HOXA3: variants seen among roughly 807,000 people sequenced by gnomAD.
The protein encoded by HOXA3 is homeobox protein Hox-A3.
In HOXA3, 8 loss-of-function variants were observed where a neutral mutation model predicts 30.3. That is an observed-to-expected ratio of 0.26 (90% CI 0.15 to 0.48). The LOEUF is 0.48. Among genes scored for constraint, HOXA3 ranks in the 20% least tolerant of loss-of-function variants. The probability of loss-of-function intolerance (pLI) is 0.99; values close to 1 mark genes in which losing one functional copy is unlikely to be tolerated. For synonymous variants in HOXA3, 323 were observed against 273.1 expected (o/e 1.18, Z -1.80); for missense variants, 653 against 614.4 (o/e 1.06, Z -0.66).
chr7:27,120,528 G>A (rs569257611), intron 4 of HOXA3, among the ~76,000 whole-genome samples: 39 of 119,254 alleles, frequency 3.3e-4, no homozygotes, highest in African/African-American at 1.3e-3. Context: ...GACAGAGCGC[G>A]ACTCTGTCAA....
intron 2 of HOXA3, among the ~76,000 whole-genome samples, chr7:27,139,238 C>A (rs765348357): frequency 3.4e-4 from 52 of 152,240 alleles, no homozygotes; most frequent in Non-Finnish European, 5.7e-4. Flanking sequence ...TTCAGACTCA[C>A]AAGCGGCTGA....
chr7:27,144,893 G>C (rs756264367), intron 1 of HOXA3, among the ~76,000 whole-genome samples: 2 of 152,222 alleles, frequency 1.3e-5, no homozygotes, highest in Non-Finnish European at 2.9e-5. Context: ...CCCCTCGTTG[G>C]GTCCTGAACG....
intron 2 of HOXA3, among the ~76,000 whole-genome samples, chr7:27,133,624 T>C (rs1236978152): frequency 6.6e-6 from 1 of 152,244 alleles, no homozygotes; most frequent in African/African-American, 2.4e-5. Context: ...TTTCATCATG[T>C]CCTCGAATCC....
intron 1 of HOXA3, chr7:27,143,082 T>C: frequency 6.4e-7 from 1 of 1,554,446 alleles, no homozygotes; most frequent in African/African-American, 1.4e-5. Context: ...CAGGGGTAGA[T>C]CTGGGGTTGG....
chr7:27,149,568 C>T (rs1303820084), intron 1 of HOXA3, among the ~76,000 whole-genome samples: 1 of 152,232 alleles, frequency 6.6e-6, no homozygotes, highest in South Asian at 2.1e-4. Context: ...CGGCTGCTAG[C>T]CCGGCAACGG....
intron 1 of HOXA3, chr7:27,145,648 G>A: frequency 6.2e-7 from 1 of 1,611,394 alleles, no homozygotes; most frequent in African/African-American, 1.3e-5. Flanking sequence ...CCTGGTCCCT[G>A]CCCAGGCATC....
At chr7:27,129,885 G>A (rs932460333) in intron 2 of HOXA3, 5 of 609,732 alleles carry the variant, frequency 8.2e-6, no homozygotes, top group Non-Finnish European at 1.4e-5. Flanking sequence ...TGCCCTAACA[G>A]TTTGGCGTCT....
intron 2 of HOXA3, chr7:27,128,475 T>C (rs1785376995): frequency 6.6e-6 from 1 of 152,278 alleles, no homozygotes; most frequent in Non-Finnish European, 1.5e-5. Flanking sequence ...CAGAGGACTT[T>C]TGTTTTCTTA....
intron 1 of HOXA3, among the ~76,000 whole-genome samples, chr7:27,149,546 A>G (rs1048195418): frequency 6.6e-6 from 1 of 152,166 alleles, no homozygotes; most frequent in Non-Finnish European, 1.5e-5. Context: ...CCCAAGAGGC[A>G]CTCCTGGAAG....
intron 4 of HOXA3, chr7:27,115,405 C>T: frequency 6.6e-6 from 1 of 152,204 alleles, no homozygotes; most frequent in Non-Finnish European, 1.5e-5. Flanking sequence ...GAGCCAGCCG[C>T]AAAAATCCGT....
Position 27,113,406 on chromosome 7 carries a change from C to G in HOXA3, c.-120-2646G>C, listed in dbSNP as rs1385045466. 6.6e-6 allele frequency among the ~76,000 whole-genome samples: 1 copy of G among 152,092 alleles called. No homozygotes were observed. The highest frequency in any genetic ancestry group is 1.5e-5 in the Non-Finnish European group (1 of 68,000). ...TGCCCACCTCTCCTTCCCTCTGCAA[C>G]CCAGAAAAGTTAAGGCTGGGCTAGG... On this transcript the variant is annotated intron_variant, in intron 4 of 5. Transcript: ENST00000612286. The surrounding 1 kb of genome is among the most constrained non-coding windows in gnomAD (Gnocchi z 4.8).
Position 27,135,519 on chromosome 7 carries a change from C to T in HOXA3, c.-390+4564G>A, listed in dbSNP as rs756525119. 4.1e-4 allele frequency among the ~76,000 whole-genome samples: 63 copies of T among 152,220 alleles called. 1 individual carries two copies. The highest frequency in any genetic ancestry group is 6.8e-3 in the Middle Eastern group (2 of 294). On this transcript the variant is annotated intron_variant, in intron 2 of 5. Coordinates refer to ENST00000612286, the MANE Select transcript of HOXA3 (RefSeq NM_153631.3). ...TCCTTCCCCTTCTCAGATCTCAGAA[C>T]GCTTTGCATTCAGCGGACTGTAGTT...
intron 3 of HOXA3, chr7:27,123,779 G>T (rs1193424330): frequency 6.6e-6 from 1 of 152,356 alleles, no homozygotes; most frequent in African/African-American, 2.4e-5. Context: ...CCTAGCACGT[G>T]GAACAAGTGG....
Position 27,113,307 on chromosome 7 carries a change from C to T in HOXA3, c.-120-2547G>A, listed in dbSNP as rs1047282489. ...TCCTTCAGACATCGCTCCCTCTTCC[C>T]ATTCCCTCCTCTTTCTTAGCCTTCC... On this transcript the variant is annotated intron_variant, in intron 4 of 5. Transcript: ENST00000612286. The surrounding 1 kb of genome is among the most constrained non-coding windows in gnomAD (Gnocchi z 4.8). 2.0e-5 allele frequency among the ~76,000 whole-genome samples: 3 copies of T among 152,234 alleles called. No homozygotes were observed. The highest frequency in any genetic ancestry group is 4.4e-5 in the Non-Finnish European group (3 of 68,050).
At chr7:27,124,732 A>C (rs1785201454) in intron 3 of HOXA3, 1 of 152,172 alleles carries the variant, frequency 6.6e-6, no homozygotes, top group African/African-American at 2.4e-5. Context: ...TTACAATTTC[A>C]ATATCTCCCT....
chr7:27,126,997 C>T lies in HOXA3; in HGVS notation c.-316G>A, dbSNP rs1044136847. 2 of 151,178 alleles carry T rather than the reference C, an allele frequency of 1.3e-5. No homozygotes were observed. Among genetic ancestry groups the T allele is most frequent in the African/African-American group, 4.9e-5 (2 of 41,096 alleles). The allele number at this position is 151,178 out of a possible 1,614,324, so 9.4% of individuals were successfully genotyped here. On this transcript the variant is annotated 5_prime_UTR_variant, in exon 3 of 6. Coordinates refer to ENST00000612286, the MANE Select transcript of HOXA3 (RefSeq NM_153631.3). ...GACAGCCAAGATGCTGTGTCCTTGC[C>T]TGAGACCACATTATTTGCAAGAAGA...
chr7:27,147,702 G>C (rs370341498), intron 1 of HOXA3: 27 of 1,612,662 alleles, frequency 1.7e-5, no homozygotes, highest in Non-Finnish European at 7.6e-6. Context: ...AGTCCTGGCC[G>C]CTGGGAAGGC....
In HOXA3 at chr7:27,108,837, C is replaced by T. The variant is rs947985345; in HGVS notation, c.527-117G>A. On this transcript the variant is annotated intron_variant, in intron 5 of 5. Transcript: ENST00000612286. This position sits in a 1 kb window ranked among gnomAD's most constrained non-coding sequence, Gnocchi z 5.0. ...CCAAAGGTTCCTGCATCCGTCAGGT[C>T]CCAGAGAGAAGTAGGAACTAGGTGC... 4.1e-6 allele frequency: 3 copies of T among 725,472 alleles called. No homozygotes were observed. Among genetic ancestry groups the T allele is most frequent in the Non-Finnish European group, 4.5e-6 (2 of 449,352 alleles). The allele number at this position is 725,472 out of a possible 1,614,324, so 44.9% of individuals were successfully genotyped here.
intron 1 of HOXA3, chr7:27,141,834 C>T (rs1291982091): frequency 6.2e-7 from 1 of 1,613,730 alleles, no homozygotes; most frequent in Admixed American, 1.7e-5. Flanking sequence ...CGCTCAGATA[C>T]TCAGGGACGG....
Sources: gnomAD v4.1 joint callset for allele counts (sites outside exome capture counted in the v4.1 genomes callset) on GRCh38, gnomAD v4.1.1 for gene constraint, Gnocchi (gnomAD v3.1) non-coding constraint, MANE v1.5 for transcripts, NCBI Gene and HGNC (gene_info 2026-07-23, HGNC 2026-07-21) for gene names.